The following IL1RAPL1 variants were observed in gnomAD, a reference collection of about 807,000 sequenced individuals.
IL1RAPL1 encodes interleukin 1 receptor accessory protein like 1.
A neutral mutation model predicts 48.4 loss-of-function variants in IL1RAPL1; 3 were observed. That is an observed-to-expected ratio of 0.06 (90% CI 0.03 to 0.16). The LOEUF (loss-of-function observed/expected upper bound fraction) is 0.16, where lower values mean the gene tolerates loss of function less well. Among genes scored for constraint, IL1RAPL1 ranks in the 10% least tolerant of loss-of-function variants. IL1RAPL1 has a pLI of 1.00. For missense variants in IL1RAPL1, 349 were observed against 530.6 expected (o/e 0.66, Z 3.36); for synonymous variants, 185 against 187.7 (o/e 0.99, Z 0.12).
At chrX:29,576,470 A>G in intron 5 of IL1RAPL1, among the ~76,000 whole-genome samples, 1 of 112,219 alleles carries the variant, frequency 8.9e-6, no homozygotes, top group Non-Finnish European at 1.9e-5. Flanking sequence ...TAGTTAAGTC[A>G]GGTTTGAGAA....
chrX:28,827,908 C>T (rs1937009796), intron 2 of IL1RAPL1, among the ~76,000 whole-genome samples: 1 of 111,896 alleles, frequency 8.9e-6, no homozygotes, highest in South Asian at 3.6e-4. Context: ...TCTCTAATAA[C>T]ACTTTTATAA....
chrX:29,137,109 GGCTT>G (rs1929144500), intron 2 of IL1RAPL1, among the ~76,000 whole-genome samples: 2 of 107,842 alleles, frequency 1.9e-5, no homozygotes, highest in African/African-American at 7.0e-5. Context: ...TATTTTAGAC[GGCTT>G]ACTGCTTACC....
intron 1 of IL1RAPL1, among the ~76,000 whole-genome samples, chrX:28,654,449 C>T (rs867621606): frequency 9.0e-5 from 10 of 111,025 alleles, no homozygotes; most frequent in African/African-American, 2.9e-4. Flanking sequence ...CTAATGGGGC[C>T]GATTAAATGT....
chrX:29,458,950 T>A (rs1243745505), intron 5 of IL1RAPL1, among the ~76,000 whole-genome samples: 1 of 112,117 alleles, frequency 8.9e-6, no homozygotes, highest in Non-Finnish European at 1.9e-5. Context: ...CTGTCACAAC[T>A]ATTCACAGTC....
intron 3 of IL1RAPL1, among the ~76,000 whole-genome samples, chrX:29,336,437 G>T (rs1364366831): frequency 9.5e-6 from 1 of 105,313 alleles, no homozygotes; most frequent in Non-Finnish European, 1.9e-5. Flanking sequence ...TTGTTTTTAA[G>T]GATATTCACA....
At chrX:29,208,487 G>A (rs1444592245) in intron 2 of IL1RAPL1, among the ~76,000 whole-genome samples, 1 of 110,193 alleles carries the variant, frequency 9.1e-6, no homozygotes, top group Non-Finnish European at 1.9e-5. Flanking sequence ...CGAGGTGGGC[G>A]GATCACGAGG....
chrX:29,721,588 C>T (rs755786006), intron 6 of IL1RAPL1, among the ~76,000 whole-genome samples: 1 of 111,868 alleles, frequency 8.9e-6, no homozygotes, highest in South Asian at 3.8e-4. Flanking sequence ...GGACACCTCC[C>T]CTCCTGAACT....
intron 2 of IL1RAPL1, among the ~76,000 whole-genome samples, chrX:29,080,399 A>G (rs1047318382): frequency 9.0e-6 from 1 of 111,051 alleles, no homozygotes; most frequent in African/African-American, 3.3e-5. Context: ...ATAAATAAAC[A>G]AAAATAAAAA....
chrX:29,366,862 C>T (rs1293291229), intron 3 of IL1RAPL1, among the ~76,000 whole-genome samples: 2 of 110,921 alleles, frequency 1.8e-5, no homozygotes, highest in African/African-American at 6.6e-5. Context: ...CCACTGCGCC[C>T]GGCCTGATAG....
At chrX:28,970,775 G>A (rs972704266) in intron 2 of IL1RAPL1, among the ~76,000 whole-genome samples, 1 of 111,220 alleles carries the variant, frequency 9.0e-6, no homozygotes, top group Non-Finnish European at 1.9e-5. Context: ...ACTTGGATGT[G>A]AGACCACCTG....
At chrX:28,667,134 T>G (rs757897772) in intron 1 of IL1RAPL1, among the ~76,000 whole-genome samples, 1 of 111,787 alleles carries the variant, frequency 8.9e-6, no homozygotes, top group African/African-American at 3.3e-5. Flanking sequence ...TAAAAAAAAT[T>G]CCAAGCAAGT....
intron 6 of IL1RAPL1, among the ~76,000 whole-genome samples, chrX:29,710,087 A>T (rs762811179): frequency 1.8e-5 from 2 of 111,759 alleles, no homozygotes; most frequent in East Asian, 5.6e-4. Flanking sequence ...TTTTCCATAT[A>T]TAAGATCATG....
At chrX:29,780,059 G>A (rs1274413139) in intron 6 of IL1RAPL1, among the ~76,000 whole-genome samples, 6 of 110,550 alleles carry the variant, frequency 5.4e-5, no homozygotes, top group African/African-American at 2.0e-4. Flanking sequence ...TGTATTTTTA[G>A]CTACACTGAT....
chrX:29,055,874 A>G (rs1602033373), intron 2 of IL1RAPL1, among the ~76,000 whole-genome samples: 1 of 111,947 alleles, frequency 8.9e-6, no homozygotes, highest in East Asian at 2.8e-4. Flanking sequence ...ATGCATGTAT[A>G]TGACTTCCCA....
chrX:29,300,816 T>C (rs1301358710), intron 3 of IL1RAPL1, among the ~76,000 whole-genome samples: 4 of 112,290 alleles, frequency 3.6e-5, no homozygotes, highest in Non-Finnish European at 1.9e-5. Context: ...GCTTACAAAG[T>C]AAAGATTTGA....
At chrX:28,633,298 T>A (rs552486928) in intron 1 of IL1RAPL1, among the ~76,000 whole-genome samples, 3 of 111,416 alleles carry the variant, frequency 2.7e-5, no homozygotes, top group African/African-American at 9.8e-5. Flanking sequence ...TGAGGACCAT[T>A]GGTGGTCCCT....
chrX:28,726,989 A>G (rs1311085779), intron 1 of IL1RAPL1, among the ~76,000 whole-genome samples: 1 of 111,869 alleles, frequency 8.9e-6, no homozygotes, highest in African/African-American at 3.3e-5. Flanking sequence ...TTATTCTTTT[A>G]TGGATTTTAT....
At chrX:28,968,623 G>C (rs189833813) in intron 2 of IL1RAPL1, among the ~76,000 whole-genome samples, 2 of 112,625 alleles carry the variant, frequency 1.8e-5, no homozygotes, top group South Asian at 3.6e-4. Context: ...AAAATAACAT[G>C]AGTTAAGCAT....
At chrX:29,316,978 C>T (rs746353615) in intron 3 of IL1RAPL1, among the ~76,000 whole-genome samples, 2 of 111,262 alleles carry the variant, frequency 1.8e-5, no homozygotes, top group Admixed American at 9.6e-5. Context: ...TGTCTGACCT[C>T]CTTTCTTGTC....
Sources: allele counts gnomAD v4.1 joint callset (sites outside exome capture counted in the v4.1 genomes callset), GRCh38; gene constraint gnomAD v4.1.1; transcripts MANE v1.5; gene names NCBI Gene and HGNC (gene_info 2026-07-23, HGNC 2026-07-21).